NUP155: variants seen among roughly 807,000 people sequenced by gnomAD.
The protein encoded by NUP155 is nuclear pore complex protein Nup155.
In NUP155, 71 loss-of-function variants were observed where a neutral mutation model predicts 180.4. That is an observed-to-expected ratio of 0.39 (90% CI 0.33 to 0.48). The LOEUF (loss-of-function observed/expected upper bound fraction) is 0.48, where lower values mean the gene tolerates loss of function less well. Among genes scored for constraint, NUP155 ranks in the 20% least tolerant of loss-of-function variants. The pLI, the probability that NUP155 is intolerant of heterozygous loss-of-function variation, is 0.91. For missense variants in NUP155, 1,553 were observed against 1,648.9 expected, an observed-to-expected ratio of 0.94 and a Z score of 1.01; for synonymous variants, 582 against 559.5, an observed-to-expected ratio of 1.04 and a Z score of -0.57.
intron 22 of NUP155, 31 bp from the exon 23 acceptor site, chr5:37,310,774 A>G: frequency 6.7e-7 from 1 of 1,485,154 alleles, no homozygotes; most frequent in Non-Finnish European, 9.4e-7. Flanking sequence ...TATCACAATT[A>G]TAGAAATACC....
intron 21 of NUP155, 55 bp downstream of exon 21, chr5:37,317,933 T>TAAATTTTATTCAATAAATTCTATTC: frequency 1.1e-6 from 1 of 899,898 alleles, no homozygotes; most frequent in Non-Finnish European, 1.9e-6. Flanking sequence ...TCTATTCAAG[T>TAAATTTTATTCAATAAATTCTATTC]AATAAAATTT....
chr5:37,313,308 G>A (rs1743641093), intron 22 of NUP155, among the ~76,000 whole-genome samples: 1 of 151,882 alleles, frequency 6.6e-6, no homozygotes, highest in African/African-American at 2.4e-5. Context: ...GCATGCACCT[G>A]TAATCCCAGC....
chr5:37,364,850 C>A (rs540110548), intron 1 of NUP155, among the ~76,000 whole-genome samples: 1 of 151,858 alleles, frequency 6.6e-6, no homozygotes, highest in East Asian at 2.0e-4. Flanking sequence ...GTTAGCCAGG[C>A]TGGTCTTGAT....
At chr5:37,299,650 A>T in intron 30 of NUP155, 82 bp from the exon 31 acceptor site, 2 of 1,335,320 alleles carry the variant, frequency 1.5e-6, no homozygotes, top group Non-Finnish European at 2.1e-6. Flanking sequence ...TTGAAAATTA[A>T]AAAATAACCA....
At chr5:37,326,911 A>AT (rs763023912) in intron 18 of NUP155, among the ~76,000 whole-genome samples, 1 of 152,028 alleles carries the variant, frequency 6.6e-6, no homozygotes, top group African/African-American at 2.4e-5. Flanking sequence ...TTATACACAG[A>AT]TTTTTTTCCC....
At position 37,342,967 on chromosome 5, in the gene NUP155, C is replaced by T. The variant is rs568575650; in HGVS notation, c.996-321G>A. Among the ~76,000 whole-genome samples, 7 of 152,320 alleles carry T rather than the reference C, an allele frequency of 4.6e-5. 1 individual carries two copies. Among genetic ancestry groups the T allele is most frequent in the African/African-American group, 1.4e-4 (6 of 41,592 alleles). ...GGCCAGGCTGGTCTTGAACTCCTGA[C>T]CTCGCGTGAGCGTGATCCGCCCGCC... On this transcript the variant is annotated intron_variant, in intron 9 of 34. Transcript: ENST00000231498.
chr5:37,300,722 T>C (rs1742815540), intron 30 of NUP155, among the ~76,000 whole-genome samples: 3 of 152,056 alleles, frequency 2.0e-5, no homozygotes, highest in Admixed American at 2.0e-4. Context: ...AGTAGCACCA[T>C]CGAGGCTCAC....
At chr5:37,342,202 C>T (rs189358979) in intron 10 of NUP155, among the ~76,000 whole-genome samples, 69 of 152,198 alleles carry the variant, frequency 4.5e-4, no homozygotes, top group Admixed American at 1.5e-3. Flanking sequence ...TCACACCTAG[C>T]TAATTTTTGT....
chr5:37,365,738 A>AAAAT (rs1561818758), intron 1 of NUP155, among the ~76,000 whole-genome samples: 46 of 37,140 alleles, frequency 1.2e-3, no homozygotes, highest in East Asian at 2.7e-3. Flanking sequence ...AAAAAAAAAA[A>AAAAT]ATATATATAT....
At chr5:37,325,189 T>C (rs1357999597) in intron 19 of NUP155, among the ~76,000 whole-genome samples, 1 of 151,948 alleles carries the variant, frequency 6.6e-6, no homozygotes, top group African/African-American at 2.4e-5. Context: ...AAAAGCAGTC[T>C]GTAAAGTATG....
At chr5:37,314,166 T>G in intron 22 of NUP155, 32 bp downstream of exon 22, 1 of 1,480,506 alleles carries the variant, frequency 6.8e-7, no homozygotes, top group Non-Finnish European at 9.4e-7. Flanking sequence ...ATAGTATTAA[T>G]GGTATAATCA....
In NUP155 at chr5:37,342,592, A is replaced by G; in HGVS notation, c.1050T>C (p.Asn350=). The change falls in exon 10 of 35, where the codon AAT becomes AAC. Residue 350 remains asparagine (N), a synonymous_variant. Coordinates refer to ENST00000231498, the MANE Select transcript of NUP155 (RefSeq NM_153485.3). Reference sequence around the variant, plus strand: ...ATAACTGACAGTCCAGTGATTCAGAATTTTCAATCACTGCTATTTGGACAA... The same window carrying G: ...ATAACTGACAGTCCAGTGATTCAGAGTTTTCAATCACTGCTATTTGGACAA... ...KPIVQIAVIE[N]SESLDCQLLA... 1.2e-6 allele frequency: 2 copies of G among 1,613,554 alleles called. No homozygotes were observed. Among genetic ancestry groups the G allele is most frequent in the Non-Finnish European group, 1.7e-6 (2 of 1,179,532 alleles).
At chr5:37,296,109 C>G (rs2150937255) in intron 32 of NUP155, among the ~76,000 whole-genome samples, 1 of 151,844 alleles carries the variant, frequency 6.6e-6, no homozygotes, top group African/African-American at 2.4e-5. Flanking sequence ...AGGGGCACCT[C>G]TGCCCGGCCG....
intron 10 of NUP155, among the ~76,000 whole-genome samples, chr5:37,341,868 G>A (rs912990848): frequency 6.6e-6 from 1 of 152,062 alleles, no homozygotes; most frequent in Non-Finnish European, 1.5e-5. Flanking sequence ...TTACCATATA[G>A]ACTATCTGCT....
intron 10 of NUP155, among the ~76,000 whole-genome samples, chr5:37,341,886 A>G (rs1045487438): frequency 3.3e-5 from 5 of 152,198 alleles, no homozygotes; most frequent in Admixed American, 1.3e-4. Flanking sequence ...GCTAAAATAT[A>G]TATCTAAGAA....
chr5:37,325,768 CAAA>C (rs58741619), intron 19 of NUP155, 130 bp downstream of exon 19: 7,332 of 351,584 alleles, frequency 0.021, 6 homozygotes, highest in African/African-American at 0.041. Flanking sequence ...GACTCTGTCT[CAAA>C]AAAAAAAAAA....
Position 37,371,096 on chromosome 5 carries a change from G to C in NUP155, c.-119C>G. ...GGCGCGCGCGCCAAACGAGCGCCTT[G>C]GCGCCTCGACATGACGCACTTCCGC... On this transcript the variant is annotated 5_prime_UTR_variant, in exon 1 of 35. Coordinates refer to ENST00000231498, the MANE Select transcript of NUP155 (RefSeq NM_153485.3). 1 of 1,000,668 alleles carries C rather than the reference G, an allele frequency of 1.0e-6. No homozygotes were observed. Among genetic ancestry groups the C allele is most frequent in the Non-Finnish European group, 1.5e-6 (1 of 662,492 alleles). 62.0% of individuals were successfully genotyped at this position (1,000,668 alleles called of 1,614,324 possible). A position where few individuals can be genotyped will look rare whatever the true frequency, so the allele number is the denominator to read the frequency against.
At chr5:37,369,300 T>C (rs116546846) in intron 1 of NUP155, among the ~76,000 whole-genome samples, 3 of 152,060 alleles carry the variant, frequency 2.0e-5, no homozygotes, top group Admixed American at 6.6e-5. Flanking sequence ...ACTAAGGACT[T>C]TCACAGGGAG....
At position 37,342,635 on chromosome 5, in the gene NUP155, C is replaced by T. The variant is rs376696300; in HGVS notation, c.1007G>A (p.Arg336His). Reference sequence around the variant, plus strand: ...TTGGACAATTGGTTTAAAAACAGAACGATCGATGGTCCTAAAAGAAAGGAG... The same window carrying T: ...TTGGACAATTGGTTTAAAAACAGAATGATCGATGGTCCTAAAAGAAAGGAG... ...AAGNIARTID[R>H]SVFKPIVQIA... Residue 336 changes from arginine (R) to histidine (H), a missense_variant, in exon 10 of 35, where the codon CGT becomes CAT. Transcript: ENST00000231498. 1.4e-5 allele frequency: 23 copies of T among 1,604,018 alleles called. No individual in the cohort carries two copies. Among genetic ancestry groups the T allele is most frequent in the East Asian group, 1.1e-4 (5 of 44,798 alleles).
Sources: gnomAD v4.1 joint callset for allele counts (sites outside exome capture counted in the v4.1 genomes callset) on GRCh38, gnomAD v4.1.1 for gene constraint, MANE v1.5 for transcripts, NCBI Gene and HGNC (gene_info 2026-07-23, HGNC 2026-07-21) for gene names.